Variants in GPC5 observed in about 807,000 individuals in gnomAD.
GPC5 encodes glypican 5.
GPC5 carries 47 observed loss-of-function variants against 53.9 expected under a neutral mutation model. The observed-to-expected ratio is 0.87, with a 90% confidence interval of 0.69 to 1.11. GPC5 has a LOEUF of 1.11. Ranked by LOEUF, GPC5 falls within the 50% of genes most tolerant of loss-of-function variation. GPC5 has a pLI of 0.00. For missense variants in GPC5, 748 were observed against 713.1 expected (o/e 1.05, Z -0.56); for synonymous variants, 286 against 263.3 (o/e 1.09, Z -0.84).
At chr13:91,655,157 T>C (rs1459722560) in intron 2 of GPC5, among the ~76,000 whole-genome samples, 1 of 152,162 alleles carries the variant, frequency 6.6e-6, no homozygotes, top group Non-Finnish European at 1.5e-5. Flanking sequence ...AGATTGTGTA[T>C]GTTGAAGGTT....
At chr13:91,722,873 G>A (rs1356720160) in intron 3 of GPC5, among the ~76,000 whole-genome samples, 1 of 152,000 alleles carries the variant, frequency 6.6e-6, no homozygotes, top group Non-Finnish European at 1.5e-5. Flanking sequence ...TACTTTATTT[G>A]GTTTTCCCCA....
intron 7 of GPC5, among the ~76,000 whole-genome samples, chr13:92,665,561 G>T (rs570219427): frequency 6.6e-6 from 1 of 152,254 alleles, no homozygotes; most frequent in Admixed American, 6.5e-5. Flanking sequence ...TTGATTTTGA[G>T]TTCATAAATA....
intron 7 of GPC5, among the ~76,000 whole-genome samples, chr13:92,581,825 G>T (rs1883382758): frequency 6.6e-6 from 1 of 152,098 alleles, no homozygotes; most frequent in African/African-American, 2.4e-5. Context: ...GTGATGCTGA[G>T]AATTTTTATA....
intron 6 of GPC5, among the ~76,000 whole-genome samples, chr13:91,971,841 T>C (rs944566691): frequency 5.9e-5 from 9 of 152,230 alleles, no homozygotes; most frequent in Non-Finnish European, 1.0e-4. Context: ...CAGTTTGTTA[T>C]CATTTCTGTT....
intron 7 of GPC5, among the ~76,000 whole-genome samples, chr13:92,759,664 G>A (rs549701808): frequency 6.6e-6 from 1 of 152,032 alleles, no homozygotes; most frequent in South Asian, 2.1e-4. Context: ...TGCAAATACA[G>A]ATACTTTTAT....
chr13:91,733,842 CG>C (rs1035247566), intron 4 of GPC5, among the ~76,000 whole-genome samples: 8 of 152,088 alleles, frequency 5.3e-5, no homozygotes, highest in African/African-American at 7.2e-5. Flanking sequence ...CTGATTGCCC[CG>C]GCCAGAACTT....
At chr13:91,498,144 G>A (rs915029183) in intron 2 of GPC5, among the ~76,000 whole-genome samples, 13 of 147,452 alleles carry the variant, frequency 8.8e-5, no homozygotes, top group Admixed American at 1.4e-4. Flanking sequence ...CCCACCCGCC[G>A]CCACACACAC....
intron 1 of GPC5, among the ~76,000 whole-genome samples, chr13:91,434,903 G>T (rs537519086): frequency 6.6e-6 from 1 of 151,948 alleles, no homozygotes; most frequent in Non-Finnish European, 1.5e-5. Context: ...GGTCCTTCAC[G>T]TCCCTTGTAA....
At chr13:92,484,603 G>A (rs1052577248) in intron 7 of GPC5, 10 of 152,130 alleles carry the variant, frequency 6.6e-5, no homozygotes, top group African/African-American at 2.2e-4. Context: ...CACCTCCCTT[G>A]TTGACTGAAA....
intron 7 of GPC5, among the ~76,000 whole-genome samples, chr13:92,291,984 C>T (rs981825800): frequency 6.6e-6 from 1 of 152,228 alleles, no homozygotes. Flanking sequence ...AACTGTAACA[C>T]TCACCACAAG....
chr13:92,420,943 C>T (rs1876530492), intron 7 of GPC5, among the ~76,000 whole-genome samples: 1 of 152,120 alleles, frequency 6.6e-6, no homozygotes, highest in African/African-American at 2.4e-5. Flanking sequence ...AATAGTGCTG[C>T]AAAACTAGTT....
At chr13:92,360,925 A>T (rs763372056) in intron 7 of GPC5, among the ~76,000 whole-genome samples, 1 of 151,818 alleles carries the variant, frequency 6.6e-6, no homozygotes, top group Non-Finnish European at 1.5e-5. Context: ...GTAAATGCCT[A>T]TGGGGCAACC....
At chr13:91,876,476 AG>A (rs1475266389) in intron 5 of GPC5, among the ~76,000 whole-genome samples, 3 of 152,210 alleles carry the variant, frequency 2.0e-5, no homozygotes, top group Non-Finnish European at 4.4e-5. Flanking sequence ...ATTGGAACAA[AG>A]GTGACTCTTG....
In GPC5 at chr13:91,398,944, G is replaced by T. The variant is rs1308320533; in HGVS notation, c.-103G>T. 5.6e-6 allele frequency: 8 copies of T among 1,423,746 alleles called. No individual in the cohort carries two copies. The highest frequency in any genetic ancestry group is 2.5e-5 in the Admixed American group (1 of 40,452). 88.2% of individuals were successfully genotyped at this position (1,423,746 alleles called of 1,614,324 possible). ...GTACACCCCGCAGCCGGCTCGCACC[G>T]CTCGAGAGCCTCGGCCGCTGTGTCT... On this transcript the variant is annotated 5_prime_UTR_variant, in exon 1 of 8. Coordinates refer to ENST00000377067, the MANE Select transcript of GPC5 (RefSeq NM_004466.6).
intron 7 of GPC5, among the ~76,000 whole-genome samples, chr13:92,540,011 C>T (rs558474482): frequency 1.3e-5 from 2 of 151,956 alleles, no homozygotes; most frequent in South Asian, 4.1e-4. Context: ...TAAGAATGCA[C>T]TTTTAAGGAC....
chr13:91,570,340 T>C (rs2138987924), intron 2 of GPC5, among the ~76,000 whole-genome samples: 1 of 152,328 alleles, frequency 6.6e-6, no homozygotes, highest in South Asian at 2.1e-4. Context: ...TTTTGAGCAC[T>C]AACATGACAT....
chr13:91,424,423 G>A (rs1377399278), intron 1 of GPC5, among the ~76,000 whole-genome samples: 1 of 144,336 alleles, frequency 6.9e-6, no homozygotes, highest in Admixed American at 7.1e-5. Context: ...GGAGTGCAAT[G>A]GCGCGATCTC....
intron 7 of GPC5, among the ~76,000 whole-genome samples, chr13:92,563,708 A>C (rs1882771806): frequency 6.6e-6 from 1 of 152,042 alleles, no homozygotes; most frequent in Non-Finnish European, 1.5e-5. Context: ...AAATAGGATT[A>C]AGTTCTTTTA....
intron 7 of GPC5, among the ~76,000 whole-genome samples, chr13:92,367,158 T>TA (rs1303134837): frequency 1.3e-5 from 2 of 152,116 alleles, no homozygotes; most frequent in Admixed American, 6.5e-5. Flanking sequence ...ATCACATTAA[T>TA]AAAAAAATCC....
Sources: gnomAD v4.1 joint callset for allele counts (sites outside exome capture counted in the v4.1 genomes callset) on GRCh38, gnomAD v4.1.1 for gene constraint, MANE v1.5 for transcripts, NCBI Gene and HGNC (gene_info 2026-07-23, HGNC 2026-07-21) for gene names.